GRM7: variants seen among roughly 807,000 people sequenced by gnomAD.
GRM7 encodes the protein metabotropic glutamate receptor 7.
Under a neutral mutation model 84.5 loss-of-function variants are expected in GRM7, and 35 were observed. The ratio of observed to expected loss-of-function variants is 0.41; its 90% CI spans 0.32 to 0.55. GRM7 has a LOEUF of 0.55. Ranked by LOEUF, GRM7 falls within the 20% of genes least tolerant of loss-of-function variation. GRM7 has a pLI of 0.19. For synonymous variants in GRM7, 487 were observed against 455.1 expected, an observed-to-expected ratio of 1.07 and a Z score of -0.89; for missense variants, 1,003 against 1,194.6, an observed-to-expected ratio of 0.84 and a Z score of 2.36.
intron 2 of GRM7, among the ~76,000 whole-genome samples, chr3:7,153,292 C>T (rs890365432): frequency 6.6e-6 from 1 of 152,054 alleles, no homozygotes; most frequent in Non-Finnish European, 1.5e-5. Context: ...GAATTGACTT[C>T]TGTTGTTTGC....
At chr3:7,412,405 C>T (rs1033327672) in intron 4 of GRM7, among the ~76,000 whole-genome samples, 4 of 152,190 alleles carry the variant, frequency 2.6e-5, no homozygotes, top group Admixed American at 6.5e-5. Flanking sequence ...CCCCTCTTGA[C>T]ATTCTGATAG....
chr3:7,368,936 T>C (rs963630855), intron 4 of GRM7, among the ~76,000 whole-genome samples: 1 of 152,054 alleles, frequency 6.6e-6, no homozygotes, highest in African/African-American at 2.4e-5. Context: ...ACACTCTAAA[T>C]CCACCTATTT....
intron 2 of GRM7, among the ~76,000 whole-genome samples, chr3:7,190,015 C>CCA (rs1480947598): frequency 1.3e-5 from 2 of 152,020 alleles, no homozygotes; most frequent in African/African-American, 4.8e-5. Context: ...CATACATATT[C>CCA]CACACACAAC....
intron 2 of GRM7, among the ~76,000 whole-genome samples, chr3:7,225,697 GT>G (rs1197876027): frequency 1.3e-5 from 2 of 151,734 alleles, no homozygotes; most frequent in East Asian, 1.9e-4. Flanking sequence ...GGTGTTATGA[GT>G]TTGCTTGTAC....
chr3:7,423,923 T>G (rs1214710593), intron 5 of GRM7, among the ~76,000 whole-genome samples: 2 of 152,152 alleles, frequency 1.3e-5, no homozygotes, highest in African/African-American at 4.8e-5. Flanking sequence ...TCCTGGGCAC[T>G]GAAAGCTGGG....
intron 1 of GRM7, among the ~76,000 whole-genome samples, chr3:7,003,411 T>TAA (rs34826843): frequency 2.3e-4 from 34 of 146,868 alleles, no homozygotes; most frequent in African/African-American, 7.7e-4. Flanking sequence ...TATTTTTTTG[T>TAA]AAAAAAAAAA....
chr3:7,652,300 A>T (rs1258047115), intron 8 of GRM7, among the ~76,000 whole-genome samples: 2 of 152,186 alleles, frequency 1.3e-5, no homozygotes, highest in East Asian at 1.9e-4. Context: ...ATGTTCCATG[A>T]ATCTAATTGC....
chr3:6,938,656 G>T (rs1436223831), intron 1 of GRM7, among the ~76,000 whole-genome samples: 2 of 152,186 alleles, frequency 1.3e-5, no homozygotes, highest in South Asian at 2.1e-4. Flanking sequence ...GGAGAGGGAC[G>T]TGTTAGCAGG....
chr3:7,058,364 C>T (rs1697306755), intron 1 of GRM7, among the ~76,000 whole-genome samples: 1 of 151,534 alleles, frequency 6.6e-6, no homozygotes, highest in African/African-American at 2.4e-5. Flanking sequence ...GTTTTTTTAA[C>T]CATGTTAATT....
chr3:7,159,940 TTGCTATTATGAAAAGCATTACCCA>T (rs1462097247), intron 2 of GRM7, among the ~76,000 whole-genome samples: 6 of 152,172 alleles, frequency 3.9e-5, no homozygotes, highest in African/African-American at 1.2e-4. Context: ...CTAGTGGAAT[TTGCTATTATGAAAAGCATTACCCA>T]TGCTATTATG....
intron 8 of GRM7, among the ~76,000 whole-genome samples, chr3:7,647,319 T>C (rs1698693640): frequency 6.6e-6 from 1 of 152,190 alleles, no homozygotes; most frequent in African/African-American, 2.4e-5. Flanking sequence ...TTCCCAATCC[T>C]GAGAAAGCAG....
chr3:7,225,589 T>C (rs1315374120), intron 2 of GRM7, among the ~76,000 whole-genome samples: 2 of 148,798 alleles, frequency 1.3e-5, no homozygotes, highest in Non-Finnish European at 3.0e-5. Flanking sequence ...AATTAATATA[T>C]ACTTTCTAAA....
chr3:7,448,601 A>T (rs77800836), intron 5 of GRM7, among the ~76,000 whole-genome samples: 5,646 of 152,240 alleles, frequency 0.037, 127 homozygotes, highest in Middle Eastern at 0.058. Context: ...ACTAGGGAAA[A>T]TAAAGCCTAA....
chr3:7,187,610 T>C (rs1242709439), intron 2 of GRM7, among the ~76,000 whole-genome samples: 1 of 150,550 alleles, frequency 6.6e-6, no homozygotes, highest in African/African-American at 2.5e-5. Context: ...AGAGCAGGGC[T>C]ACCCCATAGA....
At chr3:7,702,966 T>C (rs989813700) in intron 9 of GRM7, among the ~76,000 whole-genome samples, 2 of 152,210 alleles carry the variant, frequency 1.3e-5, no homozygotes, top group African/African-American at 4.8e-5. Context: ...AGCTAAAATA[T>C]GGATATTCTA....
At chr3:6,921,239 C>T (rs1217506551) in intron 1 of GRM7, among the ~76,000 whole-genome samples, 1 of 152,152 alleles carries the variant, frequency 6.6e-6, no homozygotes, top group Non-Finnish European at 1.5e-5. Flanking sequence ...AGTTTGCAGG[C>T]AGAATCCGAA....
chr3:7,356,913 T>G (rs1219184628), intron 4 of GRM7, among the ~76,000 whole-genome samples: 1 of 106,984 alleles, frequency 9.3e-6, no homozygotes, highest in African/African-American at 4.1e-5. Flanking sequence ...GAACTTTGCC[T>G]TTTTGATCAC....
At chr3:6,920,831 A>G (rs1158560631) in intron 1 of GRM7, among the ~76,000 whole-genome samples, 3 of 152,032 alleles carry the variant, frequency 2.0e-5, no homozygotes, top group Non-Finnish European at 4.4e-5. Context: ...CTTGTATTTC[A>G]TATATTATTT....
In GRM7 at chr3:6,928,917, C is replaced by T. The variant is rs1035309904; in HGVS notation, c.519+67010C>T. Among the ~76,000 whole-genome samples, 3 of 152,252 alleles carry T rather than the reference C, an allele frequency of 2.0e-5. No individual in the cohort carries two copies. Among genetic ancestry groups the T allele is most frequent in the Non-Finnish European group, 2.9e-5 (2 of 68,008 alleles). The stretch of plus-strand genomic sequence containing the variant: ...TAGTGTTTTAAAGTGATTTTTCCCT[C>T]GGCAGTTTTGATTAGATGCCTTGGG... On this transcript the variant is annotated intron_variant, in intron 1 of 9. Transcript: ENST00000357716. This position sits in a 1 kb window ranked among gnomAD's most constrained non-coding sequence, Gnocchi z 4.5.
Sources: gnomAD v4.1 joint callset for allele counts (sites outside exome capture counted in the v4.1 genomes callset) on GRCh38, gnomAD v4.1.1 for gene constraint, Gnocchi (gnomAD v3.1) non-coding constraint, MANE v1.5 for transcripts, NCBI Gene and HGNC (gene_info 2026-07-23, HGNC 2026-07-21) for gene names.